Variants in GMIP observed in about 807,000 individuals in gnomAD.
GMIP encodes GEM-interacting protein.
In GMIP, 54 loss-of-function variants were observed where a neutral mutation model predicts 105.3. The observed-to-expected ratio is 0.51, with a 90% CI of 0.41 to 0.64. The LOEUF is 0.64. Ranked by LOEUF, GMIP falls within the 30% of genes least tolerant of loss-of-function variation. GMIP has a pLI of 0.00. For synonymous variants in GMIP, 541 were observed against 560.8 expected (o/e 0.96, Z 0.50); for missense variants, 1,110 against 1,319.4 (o/e 0.84, Z 2.46).
chr19:19,633,977 A>C lies in GMIP; in HGVS notation c.2298T>G (p.Thr766=). 6.3e-7 allele frequency: 1 copy of C among 1,592,498 alleles called. No individual in the cohort carries two copies. Among genetic ancestry groups the C allele is most frequent in the Non-Finnish European group, 8.6e-7 (1 of 1,164,198 alleles). The change falls in exon 19 of 21, where the codon ACT becomes ACG. Residue 766 remains threonine, a synonymous_variant. Coordinates refer to ENST00000203556, the MANE Select transcript of GMIP (RefSeq NM_016573.4). ...GGCTGGAGTCTTGGGGCGGGGGCTC[A>C]GTGGCCTGGGGGAGCTCATCCATCC... The part of the protein sequence containing the change: ...IFGMDELPQA[T]EPPPQDSSPA...
At position 19,630,002 on chromosome 19, in the gene GMIP, G is replaced by A. The variant is rs931643054; in HGVS notation, c.2874C>T (p.Cys958=). 7 of 1,608,676 alleles carry A rather than the reference G, an allele frequency of 4.4e-6. No homozygotes were observed. Among genetic ancestry groups the A allele is most frequent in the Non-Finnish European group, 5.9e-6 (7 of 1,177,984 alleles). ...DSEAVPRATC[C]PDVQPEEAED... ...CGGCTTCCTCAGGCTGGACGTCCGG[G>A]CAGCAGGTGGCCCTGGGCACAGCCT... The change falls in exon 21 of 21, where the codon TGC becomes TGT. Residue 958 remains cysteine, a synonymous_variant. Transcript: ENST00000203556. This position sits in a 1 kb window ranked among gnomAD's most constrained non-coding sequence, Gnocchi z 4.8.
intron 19 of GMIP, among the ~76,000 whole-genome samples, chr19:19,631,334 T>G (rs1211045653): frequency 3.3e-5 from 5 of 152,160 alleles, no homozygotes; most frequent in Non-Finnish European, 5.9e-5. Flanking sequence ...GGCTCAGCCC[T>G]CTCCACATTA....
Position 19,629,768 on chromosome 19 carries a change from G to C in GMIP, c.*195C>G, listed in dbSNP as rs2061772490. The C allele has an allele frequency of 3.3e-6, 2 of 605,112 alleles. No individual in the cohort carries two copies. Among genetic ancestry groups the C allele is most frequent in the East Asian group, 5.7e-5 (2 of 34,888 alleles). The allele number at this position is 605,112 out of a possible 1,614,324, so 37.5% of individuals were successfully genotyped here. A position where few individuals can be genotyped will look rare whatever the true frequency, so the allele number is the denominator to read the frequency against. On this transcript the variant is annotated 3_prime_UTR_variant, in exon 21 of 21. Coordinates refer to ENST00000203556, the MANE Select transcript of GMIP (RefSeq NM_016573.4). Reference sequence around the variant, plus strand: ...GACCTGTGTCTAGTGGGGGGACTCTGGGACATTATCCCCAAAAGGGTTTTA... The same window carrying C: ...GACCTGTGTCTAGTGGGGGGACTCTCGGACATTATCCCCAAAAGGGTTTTA...
chr19:19,638,108 G>C, intron 9 of GMIP, 51 bp from the exon 10 acceptor site: 2 of 1,553,950 alleles, frequency 1.3e-6, no homozygotes, highest in Non-Finnish European at 1.7e-6. Flanking sequence ...GGGCGAGAGT[G>C]GAGGGCAGGG....
Position 19,629,788 on chromosome 19 carries a change from G to A in GMIP, c.*175C>T. ...ACTCTGGGACATTATCCCCAAAAGG[G>A]TTTTAGGCCTCCCCTAGGTCATGTA... On this transcript the variant is annotated 3_prime_UTR_variant, in exon 21 of 21. Coordinates refer to ENST00000203556, the MANE Select transcript of GMIP (RefSeq NM_016573.4). 1 of 646,916 alleles carries A rather than the reference G, an allele frequency of 1.5e-6. No homozygotes were observed. The allele number at this position is 646,916 out of a possible 1,614,324, so 40.1% of individuals were successfully genotyped here.
chr19:19,643,161 C>T, intron 1 of GMIP: 1 of 305,414 alleles, frequency 3.3e-6, no homozygotes, highest in Non-Finnish European at 6.1e-6. Context: ...TGCCGACTCC[C>T]CAGGGCTACA....
At chr19:19,636,435 A>C (rs2061854732) in intron 13 of GMIP, among the ~76,000 whole-genome samples, 1 of 152,018 alleles carries the variant, frequency 6.6e-6, no homozygotes, top group Non-Finnish European at 1.5e-5. Context: ...AGACAGGAGA[A>C]TCGCTTGAAT....
In GMIP at chr19:19,642,023, G is replaced by A. The variant is rs1241122962; in HGVS notation, c.133C>T (p.Leu45=). The A allele has an allele frequency of 1.2e-6, 2 of 1,613,656 alleles. No individual in the cohort carries two copies. Among genetic ancestry groups the A allele is most frequent in the East Asian group, 2.2e-5 (1 of 44,872 alleles). Residue 45 remains leucine, a synonymous_variant, in exon 3 of 21, where the codon CTA becomes TTA. Coordinates refer to ENST00000203556, the MANE Select transcript of GMIP (RefSeq NM_016573.4). ...VTLEMLAGDP[L]LSEDPEPDKT... ...TCAGGTTCTGGGTCTTCTGAGAGTA[G>A]AGGGTCTCCAGCCAGCATCTCAAGG...
intron 4 of GMIP, 31 bp from the exon 5 acceptor site, chr19:19,640,602 G>C (rs779741610): frequency 9.3e-6 from 15 of 1,612,694 alleles, no homozygotes; most frequent in Admixed American, 1.7e-5. Flanking sequence ...TCTGACCTTT[G>C]CACCCTAGTC....
Position 19,637,585 on chromosome 19 carries a change from G to A in GMIP, c.928-24C>T, listed in dbSNP as rs2144858473. The A allele has an allele frequency of 2.0e-6, 3 of 1,485,976 alleles. No individual in the cohort carries two copies. The South Asian group carries it at 3.9e-5, about 19-fold the overall frequency. The allele number at this position is 1,485,976 out of a possible 1,614,324, so 92.0% of individuals were successfully genotyped here. On this transcript the variant is annotated intron_variant, in intron 10 of 20. Coordinates refer to ENST00000203556, the MANE Select transcript of GMIP (RefSeq NM_016573.4). This position sits in a 1 kb window ranked among gnomAD's most constrained non-coding sequence, Gnocchi z 6.7. ...ACCTGCCGGGTGGAGACAGCAGGTT[G>A]GGGAGGGGCGGAGCCTGGGAGCCTG...
intron 19 of GMIP, among the ~76,000 whole-genome samples, chr19:19,631,214 A>T (rs1231581193): frequency 6.6e-6 from 1 of 151,532 alleles, no homozygotes; most frequent in Admixed American, 6.6e-5. Flanking sequence ...AATAATAATA[A>T]GTGTACTGCT....
intron 7 of GMIP, among the ~76,000 whole-genome samples, chr19:19,638,948 C>A (rs1451337168): frequency 6.6e-6 from 1 of 151,776 alleles, no homozygotes; most frequent in Admixed American, 6.6e-5. Flanking sequence ...GATGTGATGG[C>A]ACACTCCTAT....
At position 19,634,703 on chromosome 19, in the gene GMIP, G is replaced by A; in HGVS notation, c.1888C>T (p.Leu630Phe). The A allele has an allele frequency of 6.2e-7, 1 of 1,608,650 alleles. No individual in the cohort carries two copies. The highest frequency in any genetic ancestry group is 1.3e-5 in the African/African-American group (1 of 74,922). ...SSVLKRFLQE[L>F]TEPVIPFHLY... ...TGGAAGGGGATCACGGGCTCGGTGAGCTGGGGGTGGAACGGAGGGCGCAAC... is the reference window on the plus strand; with the variant it reads ...TGGAAGGGGATCACGGGCTCGGTGAACTGGGGGTGGAACGGAGGGCGCAAC... Residue 630 changes from leucine (L) to phenylalanine (F), a missense_variant and splice_region_variant, in exon 18 of 21, where the codon CTC (leucine) becomes TTC (phenylalanine). Around this residue, in one of 3 missense-constraint regions of GMIP, gnomAD observed 49 missense variants for 95.6 expected, o/e 0.51. Coordinates refer to ENST00000203556, the MANE Select transcript of GMIP (RefSeq NM_016573.4). The surrounding 1 kb of genome is among the most constrained non-coding windows in gnomAD (Gnocchi z 6.1).
chr19:19,630,325 C>T lies in GMIP; in HGVS notation c.2551G>A (p.Gly851Ser), dbSNP rs367825362. ...GTCCCCAGGAGTGAGTCCTCTGGGC[C>T]TTGGCTGGACACTGTGTACGGGGTG... is the stretch of plus-strand genomic sequence containing the variant. ...KDGGGEVSSQ[G>S]PEDSLLGTQS... Residue 851 changes from glycine (G) to serine (S), a missense_variant, in exon 21 of 21, where the codon GGC (glycine) becomes AGC (serine). By Grantham distance (56) the Gly-to-Ser change is moderately conservative (BLOSUM62 0). Coordinates refer to ENST00000203556, the MANE Select transcript of GMIP (RefSeq NM_016573.4). This position sits in a 1 kb window ranked among gnomAD's most constrained non-coding sequence, Gnocchi z 4.8. 10 of 1,539,200 alleles carry T rather than the reference C, an allele frequency of 6.5e-6. No homozygotes were observed. In the African/African-American group the frequency reaches 1.2e-4, roughly 19 times the overall value.
In GMIP at chr19:19,641,858, CT is replaced by C; in HGVS notation, c.189del (p.Ala64ProfsTer67). On this transcript the variant is annotated frameshift_variant, in exon 4 of 21. Coordinates refer to ENST00000203556, the MANE Select transcript of GMIP (RefSeq NM_016573.4). LOFTEE classifies it high-confidence loss of function. Reference sequence around the variant, plus strand: ...GGGGAGGGGCCGCTCCAACAGCTGGCTTCGTTGGTCTGTGCGGGAGGGAGAC... The same window carrying C: ...GGGGAGGGGCCGCTCCAACAGCTGGCTCGTTGGTCTGTGCGGGAGGGAGAC... Reference protein sequence around the residue: ...DKTPTATVTNEASCWSGPSPE... With the variant: ...DKTPTATVTNXASCWSGPSPE... 6.2e-7 allele frequency: 1 copy of C among 1,613,376 alleles called. No individual in the cohort carries two copies. The highest frequency in any genetic ancestry group is 8.5e-7 in the Non-Finnish European group (1 of 1,179,858).
Position 19,630,364 on chromosome 19 carries a change from G to A in GMIP, c.2540-28C>T, listed in dbSNP as rs751399002. 1 of 1,561,622 alleles carries A rather than the reference G, an allele frequency of 6.4e-7. No individual in the cohort carries two copies. The highest frequency in any genetic ancestry group is 8.6e-7 in the Non-Finnish European group (1 of 1,156,362). ...GTGTACGGGGTGGGTGGTCAGTGCA[G>A]AGCACCTCCAAGTTCTCTGTATATC... is the stretch of plus-strand genomic sequence containing the variant. On this transcript the variant is annotated intron_variant, in intron 20 of 20. Transcript: ENST00000203556. The surrounding 1 kb of genome is among the most constrained non-coding windows in gnomAD (Gnocchi z 4.8).
In GMIP at chr19:19,630,391, C is replaced by T; in HGVS notation, c.2540-55G>A. The T allele has an allele frequency of 1.9e-6, 3 of 1,584,506 alleles. No homozygotes were observed. The highest frequency in any genetic ancestry group is 2.4e-5 in the South Asian group (2 of 84,866). ...GCACCTCCAAGTTCTCTGTATATCCCCCCAGGAGTCATCTTTTAGCAAGCC... is the reference window on the plus strand; with the variant it reads ...GCACCTCCAAGTTCTCTGTATATCCTCCCAGGAGTCATCTTTTAGCAAGCC... On this transcript the variant is annotated intron_variant, in intron 20 of 20. Transcript: ENST00000203556. This position sits in a 1 kb window ranked among gnomAD's most constrained non-coding sequence, Gnocchi z 4.8.
intron 7 of GMIP, among the ~76,000 whole-genome samples, chr19:19,639,834 G>C (rs771102037): frequency 2.6e-5 from 4 of 152,190 alleles, no homozygotes; most frequent in Admixed American, 6.5e-5. Context: ...GGGCAAAAGA[G>C]CAAGATATTC....
chr19:19,638,129 C>G (rs2061876471), intron 9 of GMIP, 30 bp downstream of exon 9: 1 of 1,569,846 alleles, frequency 6.4e-7, no homozygotes, highest in Admixed American at 1.8e-5. Flanking sequence ...GGCGCCACAG[C>G]GCTACAGGGG....
Sources: gnomAD v4.1 joint callset for allele counts (sites outside exome capture counted in the v4.1 genomes callset) on GRCh38, gnomAD v4.1.1 for gene constraint, gnomAD v4.1.1 regional missense constraint, Gnocchi (gnomAD v3.1) non-coding constraint, MANE v1.5 for transcripts, NCBI Gene and HGNC (gene_info 2026-07-23, HGNC 2026-07-21) for gene names.